AKAP12: variants seen among roughly 807,000 people sequenced by gnomAD.
The protein encoded by AKAP12 is A-kinase anchor protein 12.
In AKAP12, 32 loss-of-function variants were observed where a neutral mutation model predicts 79.9. The ratio of observed to expected loss-of-function variants is 0.40; its 90% CI spans 0.30 to 0.54. The LOEUF (loss-of-function observed/expected upper bound fraction) is 0.54, where lower values mean the gene tolerates loss of function less well. Ranked by LOEUF, AKAP12 falls within the 20% of genes least tolerant of loss-of-function variation. The probability of loss-of-function intolerance (pLI) is 0.48; values close to 1 mark genes in which losing one functional copy is unlikely to be tolerated. For synonymous variants in AKAP12, 808 were observed against 857.0 expected (o/e 0.94, Z 1.00); for missense variants, 2,074 against 2,177.0 (o/e 0.95, Z 0.94).
chr6:151,325,531 G>C (rs1171806732), intron 3 of AKAP12: 2 of 985,226 alleles, frequency 2.0e-6, no homozygotes, highest in Non-Finnish European at 2.4e-6. Context: ...CCCCCTGCTT[G>C]TGCGGCCCGG....
At chr6:151,322,297 G>A (rs1044748755) in intron 3 of AKAP12, among the ~76,000 whole-genome samples, 1 of 152,184 alleles carries the variant, frequency 6.6e-6, no homozygotes, top group African/African-American at 2.4e-5. Context: ...AACGTTGGAC[G>A]TATTTTCATG....
intron 3 of AKAP12, among the ~76,000 whole-genome samples, chr6:151,318,081 G>A (rs1293243854): frequency 1.3e-5 from 2 of 152,180 alleles, no homozygotes; most frequent in Admixed American, 6.5e-5. Flanking sequence ...CTAAGGTGAT[G>A]TGGTATTTGG....
At chr6:151,241,875 C>T (rs1355669526) in intron 2 of AKAP12, among the ~76,000 whole-genome samples, 1 of 149,936 alleles carries the variant, frequency 6.7e-6, no homozygotes, top group East Asian at 1.9e-4. Context: ...ATTGCCTTGA[C>T]CTCCTTAGCT....
At chr6:151,329,766 GTTGTTCAGCAC>G in intron 3 of AKAP12, among the ~76,000 whole-genome samples, 1 of 152,306 alleles carries the variant, frequency 6.6e-6, no homozygotes, top group South Asian at 2.1e-4. Flanking sequence ...TCTGGCAGGT[GTTGTTCAGCAC>G]TTTGTGGACA....
intron 3 of AKAP12, among the ~76,000 whole-genome samples, chr6:151,338,455 ATTTT>A (rs57653308): frequency 3.5e-4 from 50 of 143,704 alleles, no homozygotes; most frequent in African/African-American, 1.3e-3. Flanking sequence ...TAGGTTACTC[ATTTT>A]TTTTTTTTTT....
intron 2 of AKAP12, among the ~76,000 whole-genome samples, chr6:151,247,145 G>T: frequency 6.6e-6 from 1 of 151,542 alleles, no homozygotes. Flanking sequence ...GCTCACACCT[G>T]TAATCTCAGC....
At chr6:151,316,568 C>T (rs542765843) in intron 3 of AKAP12, among the ~76,000 whole-genome samples, 7 of 152,312 alleles carry the variant, frequency 4.6e-5, no homozygotes, top group East Asian at 1.9e-4. Flanking sequence ...CTCACTGTAT[C>T]GTCACATGGT....
At chr6:151,340,304 T>A (rs1181670678) in intron 3 of AKAP12, among the ~76,000 whole-genome samples, 1 of 151,086 alleles carries the variant, frequency 6.6e-6, no homozygotes, top group African/African-American at 2.4e-5. Flanking sequence ...ATCCACTCAC[T>A]TATTGAAGGA....
chr6:151,350,407 G>A lies in AKAP12; in HGVS notation c.2016G>A (p.Lys672=). 1 of 1,614,004 alleles carries A rather than the reference G, an allele frequency of 6.2e-7. No individual in the cohort carries two copies. The highest frequency in any genetic ancestry group is 8.5e-7 in the Non-Finnish European group (1 of 1,180,018). The part of the protein sequence containing the change: ...EEPKPEEPKR[K]VDTSVSWEAL... ...CAAAGCCGGAAGAACCAAAGCGCAA[G>A]GTGGATACCTCAGTATCTTGGGAAG... is the stretch of plus-strand genomic sequence containing the variant. Residue 672 remains lysine, a synonymous_variant, in exon 4 of 5, where the codon AAG becomes AAA. Transcript: ENST00000402676. This position sits in a 1 kb window ranked among gnomAD's most constrained non-coding sequence, Gnocchi z 4.8.
At position 151,324,305 on chromosome 6, in the gene AKAP12, G is replaced by A. The variant is rs968925743; in HGVS notation, c.319+18402G>A. ...CGGGTATTTGCCAGGATGTGAAACG[G>A]AAGCCAGGCTTTTGGAGAGGCTGAA... On this transcript the variant is annotated intron_variant, in intron 3 of 4. Transcript: ENST00000402676. The A allele has an allele frequency of 1.8e-5, 18 of 985,428 alleles. No individual in the cohort carries two copies. The Middle Eastern group carries it at 1.6e-3, about 86-fold the overall frequency. The allele number at this position is 985,428 out of a possible 1,614,324, so 61.0% of individuals were successfully genotyped here.
rs1762275118 is a variant in AKAP12 at position 151,350,897 on chromosome 6, G to A, written c.2506G>A (p.Ala836Thr). The A allele has an allele frequency of 2.5e-6, 4 of 1,614,086 alleles. No homozygotes were observed. The highest frequency in any genetic ancestry group is 3.4e-6 in the Non-Finnish European group (4 of 1,180,022). The part of the protein sequence containing the change: ...APVEDAGPTG[A>T]NEDDSDVPAV... ...TGTTGAAGACGCAGGGCCAACAGGG[G>A]CCAACGAAGATGACTCTGATGTCCC... is the stretch of plus-strand genomic sequence containing the variant. The change falls in exon 4 of 5, where the codon GCC (alanine) becomes ACC (threonine). Residue 836 changes from alanine to threonine, a missense_variant. Around this residue, in one of 3 missense-constraint regions of AKAP12, gnomAD observed 1,428 missense variants for 1,451.0 expected, o/e 0.98. Coordinates refer to ENST00000402676, the MANE Select transcript of AKAP12 (RefSeq NM_005100.4). This position sits in a 1 kb window ranked among gnomAD's most constrained non-coding sequence, Gnocchi z 4.8.
At position 151,240,648 on chromosome 6, in the gene AKAP12, G is replaced by C. The variant is rs928569610; in HGVS notation, c.86G>C (p.Gly29Ala). The change falls in exon 2 of 5, where the codon GGC (glycine) becomes GCC (alanine). Residue 29 changes from glycine to alanine, a missense_variant. Gly to Ala is a moderately conservative substitution (Grantham distance 60). Around this residue, in one of 3 missense-constraint regions of AKAP12, gnomAD observed 1,428 missense variants for 1,451.0 expected, o/e 0.98. Coordinates refer to ENST00000402676, the MANE Select transcript of AKAP12 (RefSeq NM_005100.4). Reference protein sequence around the residue: ...SSTPAEPEPSGGGPSAEAAPD... With the variant: ...SSTPAEPEPSAGGPSAEAAPD... ...ACGCCGGCTGAGCCCGAGCCCAGCG[G>C]CGGCGGCCCCTCGGCCGAGGCGGCG... 10 of 1,335,570 alleles carry C rather than the reference G, an allele frequency of 7.5e-6. No individual in the cohort carries two copies. Among genetic ancestry groups the C allele is most frequent in the African/African-American group, 1.5e-5 (1 of 65,048 alleles). 82.7% of individuals were successfully genotyped at this position (1,335,570 alleles called of 1,614,324 possible). A position where few individuals can be genotyped will look rare whatever the true frequency, so the allele number is the denominator to read the frequency against.
At chr6:151,302,417 C>T (rs556538306) in intron 2 of AKAP12, among the ~76,000 whole-genome samples, 8 of 152,250 alleles carry the variant, frequency 5.3e-5, no homozygotes, top group Admixed American at 3.9e-4. Context: ...GCCTCAGTCT[C>T]CTAAGTGCTG....
intron 2 of AKAP12, among the ~76,000 whole-genome samples, chr6:151,271,317 C>T (rs1023704189): frequency 4.7e-5 from 7 of 147,490 alleles, no homozygotes; most frequent in African/African-American, 1.3e-4. Flanking sequence ...ATTATCACAA[C>T]GAAGAAACTT....
chr6:151,297,572 CA>C (rs3029353), intron 2 of AKAP12, among the ~76,000 whole-genome samples: 33,667 of 122,144 alleles, frequency 0.28, 4,059 homozygotes, highest in East Asian at 0.4. Context: ...GAGTTCGTCT[CA>C]AAAAAAAAAA....
At chr6:151,323,625 A>C in intron 3 of AKAP12, 4 of 838,732 alleles carry the variant, frequency 4.8e-6, no homozygotes, top group Non-Finnish European at 5.7e-6. Context: ...TTTCAGTGCC[A>C]AAACTGAACA....
At chr6:151,285,561 G>A (rs1045327677) in intron 2 of AKAP12, among the ~76,000 whole-genome samples, 21 of 151,746 alleles carry the variant, frequency 1.4e-4, no homozygotes, top group African/African-American at 4.8e-4. Flanking sequence ...CCTTTCTTGC[G>A]GTGACTTCTC....
In AKAP12 at chr6:151,350,584, T is replaced by A. The variant is rs1340743947; in HGVS notation, c.2193T>A (p.Gly731=). 1 of 1,613,916 alleles carries A rather than the reference T, an allele frequency of 6.2e-7. No individual in the cohort carries two copies. The highest frequency in any genetic ancestry group is 1.3e-5 in the African/African-American group (1 of 74,878). The change falls in exon 4 of 5, where the codon GGT becomes GGA. Residue 731 remains glycine (G), a synonymous_variant. Transcript: ENST00000402676. The surrounding 1 kb of genome is among the most constrained non-coding windows in gnomAD (Gnocchi z 4.8). The part of the protein sequence containing the change: ...KETGTDGILA[G]SQEHDPGQGS... ...CGGGGACAGACGGGATCCTTGCTGG[T>A]TCCCAAGAACATGATCCAGGGCAGG...
intron 3 of AKAP12, among the ~76,000 whole-genome samples, chr6:151,307,241 T>C (rs1483334327): frequency 6.6e-6 from 1 of 152,236 alleles, no homozygotes; most frequent in East Asian, 1.9e-4. Context: ...CCTTTAATAG[T>C]TACAGCAACC....
Sources: gnomAD v4.1 joint callset for allele counts (sites outside exome capture counted in the v4.1 genomes callset) on GRCh38, gnomAD v4.1.1 for gene constraint, gnomAD v4.1.1 regional missense constraint, Gnocchi (gnomAD v3.1) non-coding constraint, MANE v1.5 for transcripts, NCBI Gene and HGNC (gene_info 2026-07-23, HGNC 2026-07-21) for gene names.